Variants in PITPNC1 observed in about 807,000 individuals in gnomAD.
PITPNC1 encodes phosphatidylinositol transfer protein cytoplasmic 1, also known as cytoplasmic phosphatidylinositol transfer protein 1.
PITPNC1 carries 18 observed loss-of-function variants against 44.7 expected under a neutral mutation model. The ratio of observed to expected loss-of-function variants is 0.40; its 90% CI spans 0.28 to 0.60. The LOEUF is 0.60. PITPNC1 is among the 20% of genes least tolerant of loss of function. PITPNC1 has a pLI of 0.39. For synonymous variants in PITPNC1, 141 were observed against 149.6 expected (o/e 0.94, Z 0.42); for missense variants, 290 against 418.4 (o/e 0.69, Z 2.68).
chr17:67,408,672 CTCTTTCTTCCTT>C (rs1196266005), intron 1 of PITPNC1: 2 of 87,858 alleles, frequency 2.3e-5, no homozygotes, highest in African/African-American at 8.3e-5. Flanking sequence ...TGCTTGCTTT[CTCTTTCTTCCTT>C]CCTTCCTTCC....
At chr17:67,435,771 G>C (rs1448332649) in intron 1 of PITPNC1, among the ~76,000 whole-genome samples, 1 of 152,126 alleles carries the variant, frequency 6.6e-6, no homozygotes, top group Non-Finnish European at 1.5e-5. Context: ...AGAATCGCTT[G>C]AACCTGGGAG....
chr17:67,500,446 A>C (rs147164625), intron 1 of PITPNC1, among the ~76,000 whole-genome samples: 1 of 152,322 alleles, frequency 6.6e-6, no homozygotes, highest in Admixed American at 6.5e-5. Context: ...TATCCAGGAT[A>C]GGCACAGAAA....
intron 1 of PITPNC1, among the ~76,000 whole-genome samples, chr17:67,388,088 G>A (rs2038081259): frequency 6.6e-6 from 1 of 152,120 alleles, no homozygotes; most frequent in South Asian, 2.1e-4. Context: ...ACTTTTTAAG[G>A]AACCCTGATC....
At chr17:67,682,520 AAG>A (rs1280263947) in intron 8 of PITPNC1, among the ~76,000 whole-genome samples, 1 of 152,120 alleles carries the variant, frequency 6.6e-6, no homozygotes, top group Non-Finnish European at 1.5e-5. Context: ...GAGAGCAAGA[AAG>A]AGAAGAAAAG....
At chr17:67,481,004 C>T (rs1483020385) in intron 1 of PITPNC1, among the ~76,000 whole-genome samples, 4 of 152,146 alleles carry the variant, frequency 2.6e-5, no homozygotes, top group Non-Finnish European at 5.9e-5. Context: ...ATCAGGAGTT[C>T]GAGACCAGCC....
intron 1 of PITPNC1, among the ~76,000 whole-genome samples, chr17:67,463,681 C>A (rs981111631): frequency 6.6e-6 from 1 of 152,148 alleles, no homozygotes; most frequent in Admixed American, 6.5e-5. Flanking sequence ...GGGCAGATAG[C>A]TTGAGCTCAG....
intron 1 of PITPNC1, among the ~76,000 whole-genome samples, chr17:67,434,626 C>A (rs1388399370): frequency 6.6e-6 from 1 of 151,978 alleles, no homozygotes; most frequent in African/African-American, 2.4e-5. Context: ...GCCTGGCCAA[C>A]ATGGCAAAAC....
Position 67,628,123 on chromosome 17 carries a change from G to A in PITPNC1, c.367-4020G>A, listed in dbSNP as rs576832701. Among the ~76,000 whole-genome samples the A allele has an allele frequency of 3.6e-4, 54 of 151,978 alleles. 2 individuals are homozygous for A. The South Asian group carries it at 8.7e-3, about 25-fold the overall frequency. ...TCACCATGTGGACCAAGCTGGTCTC[G>A]AACTCCTGACCTCAAGCCATCCACC... On this transcript the variant is annotated intron_variant, in intron 5 of 8. Transcript: ENST00000581322.
At chr17:67,425,729 G>C (rs924423257) in intron 1 of PITPNC1, among the ~76,000 whole-genome samples, 2 of 151,980 alleles carry the variant, frequency 1.3e-5, no homozygotes, top group East Asian at 1.9e-4. Flanking sequence ...GGGTCTCACT[G>C]TGTTGCCCAG....
chr17:67,501,855 G>C (rs567697433), intron 1 of PITPNC1, among the ~76,000 whole-genome samples: 184 of 152,176 alleles, frequency 1.2e-3, no homozygotes, highest in Admixed American at 3.0e-3. Context: ...AAAGTTTGAG[G>C]GAAGTAAGCT....
At chr17:67,486,833 A>G (rs2009046) in intron 1 of PITPNC1, among the ~76,000 whole-genome samples, 24,912 of 151,908 alleles carry the variant, frequency 0.16, 2,688 homozygotes, top group South Asian at 0.35. Context: ...ATTCAAGAGT[A>G]TTGTGGAGGC....
intron 1 of PITPNC1, among the ~76,000 whole-genome samples, chr17:67,489,705 C>T (rs1446246760): frequency 6.6e-6 from 1 of 152,112 alleles, no homozygotes; most frequent in African/African-American, 2.4e-5. Context: ...TTTCTCAATC[C>T]CTTTCATGCT....
chr17:67,556,570 G>C (rs528363230), intron 4 of PITPNC1, among the ~76,000 whole-genome samples: 2 of 152,308 alleles, frequency 1.3e-5, no homozygotes, highest in East Asian at 3.9e-4. Context: ...GCCAAGGGAA[G>C]GGAGGGGTCC....
At chr17:67,386,158 A>G (rs1239700468) in intron 1 of PITPNC1, among the ~76,000 whole-genome samples, 1 of 152,156 alleles carries the variant, frequency 6.6e-6, no homozygotes, top group Non-Finnish European at 1.5e-5. Flanking sequence ...GCGAATGGAG[A>G]ATATTATTTA....
intron 1 of PITPNC1, among the ~76,000 whole-genome samples, chr17:67,482,692 G>C (rs761512314): frequency 1.3e-5 from 2 of 152,190 alleles, no homozygotes; most frequent in Non-Finnish European, 2.9e-5. Flanking sequence ...GTGCTTTGGT[G>C]ATCTTTTCAG....
intron 2 of PITPNC1, 85 bp downstream of exon 2, chr17:67,533,035 G>T (rs1226326291): frequency 1.5e-5 from 16 of 1,046,484 alleles, no homozygotes; most frequent in Non-Finnish European, 2.1e-5. Flanking sequence ...GGGTGTCTGG[G>T]ATGAAAAGGT....
rs369969526 is a variant in PITPNC1, at chr17:67,692,102, A to G, written c.683-470A>G. 1.2e-4 allele frequency among the ~76,000 whole-genome samples: 19 copies of G among 152,236 alleles called. 1 individual carries two copies. In the East Asian group the frequency reaches 3.5e-3, roughly 28 times the overall value. On this transcript the variant is annotated intron_variant, in intron 8 of 8. Transcript: ENST00000581322. ...GGTATACTTTCATGATCTAAAGTTG[A>G]CAATAATGACAATAATATGTGTCAT...
At chr17:67,425,193 GCACGCACA>G (rs1269243363) in intron 1 of PITPNC1, among the ~76,000 whole-genome samples, 709 of 52,094 alleles carry the variant, frequency 0.014, 56 homozygotes, top group African/African-American at 0.046. Flanking sequence ...TTGTGCGCGC[GCACGCACA>G]CGCACACACA....
intron 7 of PITPNC1, among the ~76,000 whole-genome samples, chr17:67,672,737 T>C (rs568816817): frequency 3.3e-5 from 5 of 152,280 alleles, no homozygotes; most frequent in African/African-American, 1.2e-4. Flanking sequence ...CTGTAAGATT[T>C]ATGCCTTGCC....
Sources: gnomAD v4.1 joint callset for allele counts (sites outside exome capture counted in the v4.1 genomes callset) on GRCh38, gnomAD v4.1.1 for gene constraint, MANE v1.5 for transcripts, NCBI Gene and HGNC (gene_info 2026-07-23, HGNC 2026-07-21) for gene names.